Variants in DMD observed in about 807,000 individuals in gnomAD.
DMD encodes dystrophin.
In DMD, 63 loss-of-function variants were observed where a neutral mutation model predicts 330.1. The ratio of observed to expected loss-of-function variants is 0.19; its 90% CI spans 0.16 to 0.24. The LOEUF is 0.24. Among genes scored for constraint, DMD ranks in the 10% least tolerant of loss-of-function variants. The pLI is 1.00. For missense variants in DMD, 3,344 were observed against 2,684.1 expected, an observed-to-expected ratio of 1.25 and a Z score of -5.43; for synonymous variants, 1,223 against 959.8, an observed-to-expected ratio of 1.27 and a Z score of -5.07.
chrX:32,853,366 G>A (rs1358796), intron 2 of DMD, among the ~76,000 whole-genome samples: 11,138 of 111,593 alleles, frequency 0.1, 506 homozygotes, highest in Admixed American at 0.22. Flanking sequence ...AGTAAAAAAA[G>A]GAAGCTTTCA....
chrX:31,351,179 C>CACACACAT (rs1297227136), intron 60 of DMD, among the ~76,000 whole-genome samples: 1 of 110,354 alleles, frequency 9.1e-6, no homozygotes, highest in East Asian at 2.8e-4. Flanking sequence ...CACACACACA[C>CACACACAT]ATATACATAC....
rs1306890381 is a variant in DMD at position 32,557,824 on chromosome X, T to G, written c.1992+7878A>C. On this transcript the variant is annotated intron_variant, in intron 16 of 78. Transcript: ENST00000357033. ...ATGTAAAATGCTTTATCTTATGAAG[T>G]ATAGAGGACTTCCCATAGCTGAATG... Among the ~76,000 whole-genome samples the G allele has an allele frequency of 3.6e-5, 4 of 111,038 alleles. No individual in the cohort carries two copies. In the Admixed American group the frequency reaches 3.9e-4, roughly 11 times the overall value.
intron 44 of DMD, among the ~76,000 whole-genome samples, chrX:32,166,320 C>T (rs2096868251): frequency 9.1e-6 from 1 of 110,135 alleles, no homozygotes; most frequent in Non-Finnish European, 1.9e-5. Context: ...AGCTGGGTAT[C>T]GTGGTACATG....
At chrX:31,739,419 TA>T (rs939511947) in intron 51 of DMD, among the ~76,000 whole-genome samples, 1 of 111,848 alleles carries the variant, frequency 8.9e-6, no homozygotes, top group African/African-American at 3.2e-5. Context: ...TATTCAAACT[TA>T]AAAAACAATA....
chrX:32,975,432 G>A (rs2092521146), intron 2 of DMD, among the ~76,000 whole-genome samples: 1 of 103,857 alleles, frequency 9.6e-6, no homozygotes, highest in Non-Finnish European at 2.0e-5. Context: ...ACTGCATGAG[G>A]GTCTAGGAAG....
At chrX:32,422,680 T>C (rs1251049891) in intron 29 of DMD, among the ~76,000 whole-genome samples, 3 of 111,897 alleles carry the variant, frequency 2.7e-5, no homozygotes, top group Non-Finnish European at 5.6e-5. Context: ...GACAGCATGA[T>C]GAACTTGAAA....
chrX:32,604,403 A>G (rs1378171063), intron 12 of DMD, among the ~76,000 whole-genome samples: 2 of 110,397 alleles, frequency 1.8e-5, no homozygotes. Context: ...CATATCTCAA[A>G]ATAACAAAAG....
intron 44 of DMD, among the ~76,000 whole-genome samples, chrX:32,204,667 AG>A (rs1390486545): frequency 9.0e-6 from 1 of 110,660 alleles, no homozygotes; most frequent in Non-Finnish European, 1.9e-5. Flanking sequence ...TAAAAAGAAA[AG>A]GGGTTTTCTT....
intron 61 of DMD, among the ~76,000 whole-genome samples, chrX:31,335,024 G>C (rs763536195): frequency 1.8e-5 from 2 of 111,744 alleles, no homozygotes; most frequent in Admixed American, 9.5e-5. Context: ...CACTAAAAGG[G>C]TCCCCTTCTC....
At chrX:32,969,205 C>CCTTGTTTTTTCCT (rs1602301732) in intron 2 of DMD, among the ~76,000 whole-genome samples, 4 of 94,751 alleles carry the variant, frequency 4.2e-5, no homozygotes, top group African/African-American at 9.0e-5. Context: ...CATTTCTGCT[C>CCTTGTTTTTTCCT]TTTATAAACC....
rs150048292 is a variant in DMD, at chrX:33,077,486, G to A, written c.32-57286C>T. ...TAGGCTATAAAGATGGGAAAAGGCC[G>A]TCGATCGCTCTGGCTTCTTCCTGCT... is the stretch of plus-strand genomic sequence containing the variant. On this transcript the variant is annotated intron_variant, in intron 1 of 78. Coordinates refer to ENST00000357033, the MANE Select transcript of DMD (RefSeq NM_004006.3). 5.1e-3 allele frequency among the ~76,000 whole-genome samples: 569 copies of A among 111,373 alleles called. 4 individuals carry two copies. The highest frequency in any genetic ancestry group is 0.018 in the African/African-American group (541 of 30,642).
At chrX:32,681,762 C>A (rs777365807) in intron 9 of DMD, among the ~76,000 whole-genome samples, 8 of 111,791 alleles carry the variant, frequency 7.2e-5, no homozygotes, top group Non-Finnish European at 1.1e-4. Flanking sequence ...GGAAAAACGA[C>A]CTGCAAATAT....
chrX:32,216,522 A>G (rs2097112815), intron 44 of DMD, among the ~76,000 whole-genome samples: 1 of 112,057 alleles, frequency 8.9e-6, no homozygotes, highest in Non-Finnish European at 1.9e-5. Context: ...TAATTTTATC[A>G]TGATGGATAT....
chrX:31,783,301 CAG>C (rs2091119615), intron 50 of DMD, among the ~76,000 whole-genome samples: 2 of 111,911 alleles, frequency 1.8e-5, no homozygotes, highest in African/African-American at 6.5e-5. Context: ...CAAGACTCTG[CAG>C]TGAAAACTAA....
chrX:32,982,553 C>A (rs190477426), intron 2 of DMD, among the ~76,000 whole-genome samples: 36 of 111,770 alleles, frequency 3.2e-4, no homozygotes, highest in Non-Finnish European at 6.0e-4. Flanking sequence ...CCTCTTCCCA[C>A]TAAAACAGCA....
At chrX:31,756,879 T>C (rs1369255751) in intron 51 of DMD, among the ~76,000 whole-genome samples, 1 of 111,904 alleles carries the variant, frequency 8.9e-6, no homozygotes, top group Admixed American at 9.5e-5. Flanking sequence ...ATCTGCTCTT[T>C]CTTATTCACA....
At chrX:31,769,791 T>C (rs1174343745) in intron 51 of DMD, among the ~76,000 whole-genome samples, 2 of 112,141 alleles carry the variant, frequency 1.8e-5, no homozygotes, top group South Asian at 7.4e-4. Flanking sequence ...TTCTACATGT[T>C]CTTGACTGAG....
At chrX:33,290,464 C>T (rs185974656) in intron 1 of DMD, among the ~76,000 whole-genome samples, 1 of 111,552 alleles carries the variant, frequency 9.0e-6, no homozygotes, top group Non-Finnish European at 1.9e-5. Flanking sequence ...TAAACACGAA[C>T]TATAGGATGC....
chrX:31,984,941 G>A (rs2095499759), intron 44 of DMD, among the ~76,000 whole-genome samples: 1 of 111,815 alleles, frequency 8.9e-6, no homozygotes, highest in African/African-American at 3.2e-5. Context: ...GCAGTAACAG[G>A]TCATACTGAA....
Sources: allele counts gnomAD v4.1 joint callset (sites outside exome capture counted in the v4.1 genomes callset), GRCh38; gene constraint gnomAD v4.1.1; transcripts MANE v1.5; gene names NCBI Gene and HGNC (gene_info 2026-07-23, HGNC 2026-07-21).